Variants in ZPLD1 observed in about 807,000 individuals in gnomAD.
The protein encoded by ZPLD1 is zona pellucida like domain containing 1, also known as zona pellucida-like domain-containing protein 1.
A neutral mutation model predicts 47.2 loss-of-function variants in ZPLD1; 34 were observed. That is an observed-to-expected ratio of 0.72 (90% CI 0.55 to 0.96). The LOEUF is 0.96. ZPLD1 is among the 40% of genes least tolerant of loss of function. The probability of loss-of-function intolerance (pLI) is 0.00; values close to 1 mark genes in which losing one functional copy is unlikely to be tolerated. For synonymous variants in ZPLD1, 176 were observed against 186.2 expected (o/e 0.95, Z 0.45); for missense variants, 512 against 505.8 (o/e 1.01, Z -0.12).
upstream of ZPLD1, chr3:102,434,873 A>G (rs1707063249): frequency 2.2e-6 from 1 of 460,200 alleles, no homozygotes; most frequent in Non-Finnish European, 3.9e-6. Flanking sequence ...AGAGTAAACC[A>G]CAGAATCAGG....
intron 3 of ZPLD1, among the ~76,000 whole-genome samples, chr3:102,452,277 G>A (rs1488516970): frequency 1.3e-5 from 2 of 149,366 alleles, no homozygotes; most frequent in Non-Finnish European, 3.0e-5. Context: ...TTTTTACTGA[G>A]GCATGCATAG....
intron 3 of ZPLD1, among the ~76,000 whole-genome samples, chr3:102,449,443 T>C (rs544942494): frequency 6.6e-6 from 1 of 152,202 alleles, no homozygotes; most frequent in Non-Finnish European, 1.5e-5. Flanking sequence ...GTTCAGAAAA[T>C]ACTAAGTGGA....
In ZPLD1 at chr3:102,478,196, A is replaced by G. The variant is rs1707787080; in HGVS notation, c.*578A>G. The G allele has an allele frequency of 6.6e-6, 1 of 152,192 alleles. No individual in the cohort carries two copies. Among genetic ancestry groups the G allele is most frequent in the Non-Finnish European group, 1.5e-5 (1 of 68,048 alleles). The allele number at this position is 152,192 out of a possible 1,614,324, so 9.4% of individuals were successfully genotyped here. On this transcript the variant is annotated 3_prime_UTR_variant, in exon 12 of 12. Coordinates refer to ENST00000466937, the MANE Select transcript of ZPLD1 (RefSeq NM_001329788.2). ...ATTTTAAAAGAAACTCTTGGGACAT[A>G]TCTCTTAACCTGGGGCACCCTTTTG...
chr3:102,448,931 C>T (rs140424014), intron 3 of ZPLD1, among the ~76,000 whole-genome samples: 281 of 152,228 alleles, frequency 1.8e-3, no homozygotes, highest in African/African-American at 6.4e-3. Flanking sequence ...TCTATTTCAC[C>T]AAGCATAAAG....
At position 102,454,161 on chromosome 3, in the gene ZPLD1, T is replaced by C. The variant is rs540593044; in HGVS notation, c.327+1022T>C. 3.9e-5 allele frequency among the ~76,000 whole-genome samples: 6 copies of C among 152,306 alleles called. No individual in the cohort carries two copies. The South Asian group carries it at 1.2e-3, about 32-fold the overall frequency. ...AGTGGGAGATGGAAGACAGAGAAAA[T>C]AGATTTCTTTGAATCTTGTTCTTTA... is the stretch of plus-strand genomic sequence containing the variant. On this transcript the variant is annotated intron_variant, in intron 4 of 11. Coordinates refer to ENST00000466937, the MANE Select transcript of ZPLD1 (RefSeq NM_001329788.2).
chr3:102,437,499 A>G (rs1409475208), intron 2 of ZPLD1, among the ~76,000 whole-genome samples: 2 of 152,222 alleles, frequency 1.3e-5, no homozygotes, highest in East Asian at 3.8e-4. Context: ...AAAATCCACT[A>G]AATTATTTGA....
intron 7 of ZPLD1, among the ~76,000 whole-genome samples, chr3:102,413,442 T>C (rs1355436387): frequency 1.3e-5 from 2 of 151,840 alleles, no homozygotes; most frequent in Non-Finnish European, 2.9e-5. Flanking sequence ...TTAAATGATT[T>C]TTCTTTCTTA....
At chr3:102,417,430 G>A (rs1472169996) in intron 7 of ZPLD1, among the ~76,000 whole-genome samples, 3 of 151,926 alleles carry the variant, frequency 2.0e-5, no homozygotes, top group Non-Finnish European at 4.4e-5. Flanking sequence ...ATAGCTTATG[G>A]AGTGGAATGC....
intron 8 of ZPLD1, among the ~76,000 whole-genome samples, chr3:102,425,465 A>G (rs922780815): frequency 6.6e-5 from 10 of 152,188 alleles, no homozygotes; most frequent in African/African-American, 2.4e-4. Context: ...CTCAACCAAA[A>G]TAATACATCC....
At chr3:102,445,222 C>G (rs1383298029) in intron 3 of ZPLD1, among the ~76,000 whole-genome samples, 2 of 152,162 alleles carry the variant, frequency 1.3e-5, no homozygotes, top group African/African-American at 4.8e-5. Flanking sequence ...TCACACACTG[C>G]CACTGGAGCA....
At chr3:102,398,878 G>A (rs996963487) in intron 7 of ZPLD1, among the ~76,000 whole-genome samples, 10 of 149,232 alleles carry the variant, frequency 6.7e-5, no homozygotes, top group East Asian at 2.0e-4. Context: ...GCGTGCGCAC[G>A]CACACACACA....
chr3:102,399,774 T>A (rs1236389118), intron 7 of ZPLD1, among the ~76,000 whole-genome samples: 1 of 152,072 alleles, frequency 6.6e-6, no homozygotes, highest in Non-Finnish European at 1.5e-5. Flanking sequence ...ATGGGATTAT[T>A]ATTTTTGATA....
At chr3:102,446,122 ATG>A (rs1707252371) in intron 3 of ZPLD1, among the ~76,000 whole-genome samples, 1 of 152,224 alleles carries the variant, frequency 6.6e-6, no homozygotes, top group South Asian at 2.1e-4. Context: ...ATTGAAATAA[ATG>A]TATTTTAATA....
chr3:102,410,725 G>A (rs185517657), intron 7 of ZPLD1, among the ~76,000 whole-genome samples: 3 of 151,830 alleles, frequency 2.0e-5, no homozygotes, highest in African/African-American at 7.2e-5. Flanking sequence ...CAGGAGAGTT[G>A]CTGTTTGGCA....
At chr3:102,415,388 T>C (rs751954869) in intron 7 of ZPLD1, among the ~76,000 whole-genome samples, 9 of 151,786 alleles carry the variant, frequency 5.9e-5, no homozygotes, top group Non-Finnish European at 1.0e-4. Flanking sequence ...GCTGCTGGAT[T>C]AACTGATTAT....
chr3:102,402,216 C>CT (rs544772200), intron 7 of ZPLD1, among the ~76,000 whole-genome samples: 3 of 151,942 alleles, frequency 2.0e-5, no homozygotes, highest in African/African-American at 4.8e-5. Flanking sequence ...TTTTACTGCT[C>CT]TTTTTTTACT....
intron 7 of ZPLD1, among the ~76,000 whole-genome samples, chr3:102,405,723 T>A (rs1409299708): frequency 1.3e-5 from 2 of 152,208 alleles, no homozygotes; most frequent in South Asian, 2.1e-4. Flanking sequence ...CTGATTTTTT[T>A]AAATGTCTGA....
chr3:102,464,350 A>G (rs1707558740), intron 8 of ZPLD1, 99 bp downstream of exon 8: 1 of 797,170 alleles, frequency 1.3e-6, no homozygotes. Flanking sequence ...AAGCACTATT[A>G]TAGCTTTTGA....
chr3:102,437,163 T>C (rs1707103886), intron 2 of ZPLD1, among the ~76,000 whole-genome samples, 190 bp downstream of exon 2: 1 of 152,196 alleles, frequency 6.6e-6, no homozygotes. Flanking sequence ...GCTTATGGAC[T>C]GTCACAGGCA....
Sources: gnomAD v4.1 joint callset for allele counts (sites outside exome capture counted in the v4.1 genomes callset) on GRCh38, gnomAD v4.1.1 for gene constraint, MANE v1.5 for transcripts, NCBI Gene and HGNC (gene_info 2026-07-23, HGNC 2026-07-21) for gene names.